SAMMSON: variants seen among roughly 807,000 people sequenced by gnomAD.
SAMMSON encodes the protein long intergenic non-protein coding RNA 1212.
intron 7 of SAMMSON, among the ~76,000 whole-genome samples, chr3:70,309,753 A>C (rs1461796166): frequency 9.9e-5 from 15 of 152,242 alleles, no homozygotes; most frequent in African/African-American, 3.4e-4. Context: ...GTCATCTAGC[A>C]TCTGGCTCAA....
chr3:70,170,579 C>CTTTTTTTCT (rs1700935132), intron 4 of SAMMSON, among the ~76,000 whole-genome samples: 1 of 105,492 alleles, frequency 9.5e-6, no homozygotes, highest in African/African-American at 3.6e-5. Context: ...CTAGATTTTC[C>CTTTTTTTCT]TTTTTTTTTT....
chr3:70,279,537 T>G (rs1036603437), intron 6 of SAMMSON, among the ~76,000 whole-genome samples: 1 of 152,184 alleles, frequency 6.6e-6, no homozygotes, highest in Non-Finnish European at 1.5e-5. Flanking sequence ...TTGCCAAATG[T>G]GTCACCCCAT....
At chr3:70,049,727 G>C (rs2067139423) in intron 3 of SAMMSON, among the ~76,000 whole-genome samples, 1 of 152,070 alleles carries the variant, frequency 6.6e-6, no homozygotes, top group Admixed American at 6.6e-5. Flanking sequence ...GACAGGAAAT[G>C]AGGGATTTTT....
At chr3:70,065,749 G>T (rs1451377941) in intron 3 of SAMMSON, among the ~76,000 whole-genome samples, 2 of 151,990 alleles carry the variant, frequency 1.3e-5, no homozygotes, top group African/African-American at 4.8e-5. Context: ...GCACAGCACA[G>T]CCACCCCCAC....
intron 4 of SAMMSON, among the ~76,000 whole-genome samples, chr3:70,234,720 A>G (rs903628730): frequency 6.6e-6 from 1 of 152,130 alleles, no homozygotes; most frequent in Non-Finnish European, 1.5e-5. Context: ...CTTTGCAGCA[A>G]TTTGAAATCT....
chr3:70,270,765 C>T (rs1358021199), intron 6 of SAMMSON, among the ~76,000 whole-genome samples: 1 of 152,142 alleles, frequency 6.6e-6, no homozygotes, highest in Non-Finnish European at 1.5e-5. Flanking sequence ...AACCATCATT[C>T]TCAGCAAACT....
chr3:70,360,633 T>C (rs1702864306), intron 9 of SAMMSON, among the ~76,000 whole-genome samples: 1 of 152,158 alleles, frequency 6.6e-6, no homozygotes, highest in African/African-American at 2.4e-5. Context: ...ATGGTAGACA[T>C]AGAATTTGAT....
intron 4 of SAMMSON, among the ~76,000 whole-genome samples, chr3:70,243,253 A>G (rs1316044676): frequency 6.6e-6 from 1 of 151,578 alleles, no homozygotes; most frequent in African/African-American, 2.4e-5. Context: ...TTTATTGGGG[A>G]TTTTTCAGCT....
At chr3:70,028,077 C>CTGCCTTCT (rs2067048568) in intron 3 of SAMMSON, among the ~76,000 whole-genome samples, 1 of 148,460 alleles carries the variant, frequency 6.7e-6, no homozygotes, top group Non-Finnish European at 1.5e-5. Flanking sequence ...GCCTGCCTGC[C>CTGCCTTCT]TTCCTTCTTT....
chr3:70,366,739 A>G (rs1429691275), intron 9 of SAMMSON, among the ~76,000 whole-genome samples: 2 of 151,542 alleles, frequency 1.3e-5, no homozygotes, highest in Non-Finnish European at 1.5e-5. Flanking sequence ...TTAGCTTTGT[A>G]GGAAGCTGCT....
chr3:70,078,929 A>C (rs535601744), intron 4 of SAMMSON, among the ~76,000 whole-genome samples: 5 of 152,308 alleles, frequency 3.3e-5, no homozygotes, highest in Admixed American at 1.3e-4. Context: ...TGTTGGCAAA[A>C]TACAATCCAT....
At chr3:70,115,120 A>G (rs1428785484) in intron 4 of SAMMSON, among the ~76,000 whole-genome samples, 1 of 151,156 alleles carries the variant, frequency 6.6e-6, no homozygotes, top group Non-Finnish European at 1.5e-5. Flanking sequence ...GCACATATTC[A>G]TTAAGTGCCT....
intron 7 of SAMMSON, among the ~76,000 whole-genome samples, chr3:70,311,182 T>A (rs1996815): frequency 0.36 from 54,415 of 152,006 alleles, 10,084 homozygotes; most frequent in East Asian, 0.63. Context: ...TACAATATAA[T>A]AGATTCATTA....
At chr3:70,383,208 ATAAT>A (rs1338685381) in intron 9 of SAMMSON, among the ~76,000 whole-genome samples, 1 of 151,998 alleles carries the variant, frequency 6.6e-6, no homozygotes, top group Non-Finnish European at 1.5e-5. Context: ...ACTTTGTAAA[ATAAT>A]TAATTATATA....
At chr3:70,348,159 G>A (rs1026494650) in intron 7 of SAMMSON, among the ~76,000 whole-genome samples, 1 of 152,120 alleles carries the variant, frequency 6.6e-6, no homozygotes, top group African/African-American at 2.4e-5. Flanking sequence ...GAGAAGGGAG[G>A]TTGTGATTTT....
chr3:70,318,917 A>G (rs1702515856), intron 7 of SAMMSON, among the ~76,000 whole-genome samples: 1 of 152,154 alleles, frequency 6.6e-6, no homozygotes, highest in Admixed American at 6.6e-5. Flanking sequence ...TGTCCAAGGC[A>G]TGTTATTTTT....
chr3:70,375,671 T>C (rs1400649394), intron 9 of SAMMSON, among the ~76,000 whole-genome samples: 1 of 152,188 alleles, frequency 6.6e-6, no homozygotes, highest in African/African-American at 2.4e-5. Context: ...CTTCATCTGC[T>C]TCTTTGAGAC....
intron 4 of SAMMSON, among the ~76,000 whole-genome samples, chr3:70,240,336 C>CT (rs537916067): frequency 7.5e-4 from 109 of 146,248 alleles, no homozygotes; most frequent in African/African-American, 1.6e-3. Flanking sequence ...TAACCAATTA[C>CT]TTTTTTTTTT....
At chr3:70,110,972 C>T (rs1198442656) in intron 4 of SAMMSON, among the ~76,000 whole-genome samples, 13 of 152,152 alleles carry the variant, frequency 8.5e-5, no homozygotes, top group African/African-American at 2.7e-4. Flanking sequence ...CATTTACTCA[C>T]GATGCTCCTG....
Sources: allele counts gnomAD v4.1 joint callset (sites outside exome capture counted in the v4.1 genomes callset), GRCh38; gene constraint gnomAD v4.1.1; transcripts MANE v1.5; gene names NCBI Gene and HGNC (gene_info 2026-07-23, HGNC 2026-07-21).